The following CNTN5 variants were observed in gnomAD, a reference collection of about 807,000 sequenced individuals.
The protein encoded by CNTN5 is contactin 5.
In CNTN5, 77 loss-of-function variants were observed where a neutral mutation model predicts 129.1. That is an observed-to-expected ratio of 0.60 (90% CI 0.50 to 0.72). CNTN5 has a LOEUF of 0.72. CNTN5 is among the 30% of genes least tolerant of loss of function. The pLI, the probability that CNTN5 is intolerant of heterozygous loss-of-function variation, is 0.00. For synonymous variants in CNTN5, 509 were observed against 465.6 expected (o/e 1.09, Z -1.20); for missense variants, 1,478 against 1,328.8 (o/e 1.11, Z -1.75).
At chr11:100,270,015 C>T (rs1018650906) in intron 17 of CNTN5, among the ~76,000 whole-genome samples, 22 of 152,262 alleles carry the variant, frequency 1.4e-4, no homozygotes, top group East Asian at 1.9e-4. Context: ...AGACTCCAAG[C>T]GTACTGCTCA....
rs189569497 is a variant in CNTN5 at position 99,029,248 on chromosome 11, C to G, written c.-210+7978C>G. Among the ~76,000 whole-genome samples the G allele has an allele frequency of 5.8e-3, 876 of 151,600 alleles. 10 individuals are homozygous for G. Among genetic ancestry groups the G allele is most frequent in the Middle Eastern group, 0.01 (3 of 290 alleles). ...ATTTTTTTTTTAATGAGACACAATC[C>G]TGTTCTAATTGTGGAAGGGGATATT... is the stretch of plus-strand genomic sequence containing the variant. On this transcript the variant is annotated intron_variant, in intron 1 of 24. Coordinates refer to ENST00000524871, the MANE Select transcript of CNTN5 (RefSeq NM_014361.4).
chr11:100,055,659 A>G (rs1943188631), intron 9 of CNTN5, among the ~76,000 whole-genome samples: 1 of 151,608 alleles, frequency 6.6e-6, no homozygotes, highest in Non-Finnish European at 1.5e-5. Context: ...AAGCCAGTAG[A>G]CATGCTAATC....
chr11:99,243,439 C>A (rs1405454953), intron 1 of CNTN5, among the ~76,000 whole-genome samples: 1 of 151,936 alleles, frequency 6.6e-6, no homozygotes, highest in East Asian at 1.9e-4. Flanking sequence ...GTTTCTTTTG[C>A]TGTGCAGAAG....
intron 2 of CNTN5, among the ~76,000 whole-genome samples, chr11:99,432,001 T>A (rs1943389517): frequency 6.6e-6 from 1 of 152,112 alleles, no homozygotes; most frequent in African/African-American, 2.4e-5. Flanking sequence ...GGGGGGATAG[T>A]CAAATATGTA....
chr11:99,134,018 A>G (rs574615051), intron 1 of CNTN5, among the ~76,000 whole-genome samples: 132 of 152,332 alleles, frequency 8.7e-4, no homozygotes, highest in African/African-American at 3.1e-3. Context: ...CCTATCAATG[A>G]TAGACTGGAT....
At chr11:100,299,823 C>T (rs1951179497) in intron 20 of CNTN5, among the ~76,000 whole-genome samples, 3 of 151,404 alleles carry the variant, frequency 2.0e-5, no homozygotes, top group Admixed American at 2.0e-4. Flanking sequence ...ATGCATAAAG[C>T]ACTGTACTAA....
At chr11:99,793,463 G>A (rs1419085512) in intron 3 of CNTN5, among the ~76,000 whole-genome samples, 1 of 151,936 alleles carries the variant, frequency 6.6e-6, no homozygotes. Flanking sequence ...TTTATTTCTT[G>A]TCTTCCGCTA....
chr11:99,460,768 G>C (rs1235610274), intron 2 of CNTN5, among the ~76,000 whole-genome samples: 1 of 151,928 alleles, frequency 6.6e-6, no homozygotes, highest in Non-Finnish European at 1.5e-5. Flanking sequence ...TCGAATTCTC[G>C]TACCTTGCTA....
intron 21 of CNTN5, among the ~76,000 whole-genome samples, chr11:100,320,175 A>T (rs149600307): frequency 3.5e-4 from 54 of 152,222 alleles, no homozygotes; most frequent in African/African-American, 1.2e-3. Context: ...ATTCCTATCA[A>T]TGGAGTGCAA....
At chr11:99,826,384 C>A (rs1427144410) in intron 4 of CNTN5, among the ~76,000 whole-genome samples, 1 of 152,124 alleles carries the variant, frequency 6.6e-6, no homozygotes. Flanking sequence ...TTCATCTTTG[C>A]AAGTCCACAC....
At chr11:99,986,703 C>T (rs1045403295) in intron 8 of CNTN5, among the ~76,000 whole-genome samples, 2 of 152,130 alleles carry the variant, frequency 1.3e-5, no homozygotes, top group Admixed American at 1.3e-4. Flanking sequence ...AAGACTTCGT[C>T]CAAGAGTTGT....
At chr11:99,828,160 T>G (rs1210104354) in intron 4 of CNTN5, among the ~76,000 whole-genome samples, 1 of 152,196 alleles carries the variant, frequency 6.6e-6, no homozygotes, top group East Asian at 1.9e-4. Flanking sequence ...ACAATGATTT[T>G]GGTCAAGTAC....
chr11:99,800,145 G>T (rs1432452471), intron 3 of CNTN5, among the ~76,000 whole-genome samples: 1 of 151,870 alleles, frequency 6.6e-6, no homozygotes, highest in Non-Finnish European at 1.5e-5. Context: ...GCATCCCAGA[G>T]ATTTTGGTAT....
intron 8 of CNTN5, among the ~76,000 whole-genome samples, chr11:99,993,129 G>C (rs1384042023): frequency 6.6e-6 from 1 of 152,166 alleles, no homozygotes; most frequent in Non-Finnish European, 1.5e-5. Context: ...AACTGCACAA[G>C]ATTTGAGATA....
chr11:99,540,274 G>A (rs951076263), intron 2 of CNTN5, among the ~76,000 whole-genome samples: 1 of 151,982 alleles, frequency 6.6e-6, no homozygotes, highest in Non-Finnish European at 1.5e-5. Flanking sequence ...AAGAAAGAAC[G>A]AAAAAGTGCA....
At chr11:99,239,833 A>G (rs1018430740) in intron 1 of CNTN5, among the ~76,000 whole-genome samples, 23 of 150,608 alleles carry the variant, frequency 1.5e-4, no homozygotes, top group Non-Finnish European at 3.1e-4. Flanking sequence ...GCTACTCGGG[A>G]GGCTGAGGCA....
chr11:99,724,085 G>C (rs1184164679), intron 3 of CNTN5, among the ~76,000 whole-genome samples: 2 of 152,104 alleles, frequency 1.3e-5, no homozygotes, highest in Admixed American at 6.5e-5. Context: ...AATCAAACTA[G>C]AAACTTCCTG....
intron 6 of CNTN5, among the ~76,000 whole-genome samples, chr11:99,889,701 A>T (rs372151030): frequency 6.6e-6 from 1 of 151,766 alleles, no homozygotes; most frequent in South Asian, 2.1e-4. Context: ...ACGTCCAGCT[A>T]ATTTTTAAAA....
chr11:100,290,871 T>A (rs1950943808), intron 18 of CNTN5, among the ~76,000 whole-genome samples: 1 of 151,050 alleles, frequency 6.6e-6, no homozygotes, highest in Non-Finnish European at 1.5e-5. Flanking sequence ...GACAAAGGGC[T>A]AATATCCAGA....
Sources: allele counts gnomAD v4.1 joint callset (sites outside exome capture counted in the v4.1 genomes callset), GRCh38; gene constraint gnomAD v4.1.1; transcripts MANE v1.5; gene names NCBI Gene and HGNC (gene_info 2026-07-23, HGNC 2026-07-21).